Variants in PIK3C2G observed in about 807,000 individuals in gnomAD.
The protein encoded by PIK3C2G is phosphatidylinositol-4-phosphate 3-kinase catalytic subunit type 2 gamma, also known as phosphatidylinositol 3-kinase C2 domain-containing subunit gamma.
In PIK3C2G, 168 loss-of-function variants were observed where a neutral mutation model predicts 181.1. The ratio of observed to expected loss-of-function variants is 0.93; its 90% CI spans 0.82 to 1.05. The LOEUF is 1.05. PIK3C2G is among the 50% of genes least tolerant of loss of function. PIK3C2G has a pLI of 0.00. For missense variants in PIK3C2G, 1,869 were observed against 1,732.8 expected (o/e 1.08, Z -1.40); for synonymous variants, 573 against 592.2 (o/e 0.97, Z 0.47).
intron 9 of PIK3C2G, among the ~76,000 whole-genome samples, chr12:18,339,633 T>C (rs1938929847): frequency 6.6e-6 from 1 of 152,174 alleles, no homozygotes; most frequent in South Asian, 2.1e-4. Context: ...TAGATAATCA[T>C]ATTACCAAAC....
intron 18 of PIK3C2G, among the ~76,000 whole-genome samples, chr12:18,429,136 C>T (rs1031929527): frequency 2.0e-5 from 3 of 151,988 alleles, no homozygotes; most frequent in Admixed American, 6.6e-5. Context: ...GAATCCAATG[C>T]CAAGTGACCT....
At chr12:18,375,239 T>C (rs1323623815) in intron 13 of PIK3C2G, among the ~76,000 whole-genome samples, 2 of 152,186 alleles carry the variant, frequency 1.3e-5, no homozygotes, top group African/African-American at 4.8e-5. Flanking sequence ...ATAGACTCTG[T>C]AAAGGCTGAC....
chr12:18,694,277 T>C, the PIK3C2G span, among the ~76,000 whole-genome samples: 3 of 152,146 alleles, frequency 2.0e-5, no homozygotes, highest in Admixed American at 1.3e-4. Flanking sequence ...TGTTGGTCAC[T>C]GTGCAGCAGT....
intron 12 of PIK3C2G, 26 bp from the exon 13 acceptor site, chr12:18,371,154 A>G: frequency 6.3e-7 from 1 of 1,578,994 alleles, no homozygotes; most frequent in Non-Finnish European, 8.6e-7. Context: ...TGGGTAGGTA[A>G]TGCTTCTTCT....
chr12:18,667,536 T>C, the PIK3C2G span, among the ~76,000 whole-genome samples: 9 of 152,162 alleles, frequency 5.9e-5, no homozygotes, highest in Non-Finnish European at 1.2e-4. Flanking sequence ...TTTTAAAACA[T>C]ATTTAAGACT....
At chr12:18,456,418 TG>T (rs1279304150) in intron 18 of PIK3C2G, among the ~76,000 whole-genome samples, 1 of 152,026 alleles carries the variant, frequency 6.6e-6, no homozygotes, top group Non-Finnish European at 1.5e-5. Context: ...GGCTCCCAAG[TG>T]GGTCTTCCAG....
intron 15 of PIK3C2G, 46 bp from the exon 16 acceptor site, chr12:18,399,613 G>T: frequency 8.1e-7 from 1 of 1,238,668 alleles, no homozygotes; most frequent in East Asian, 2.4e-5. Flanking sequence ...ACATTTGTTA[G>T]TGCAGCAAAC....
chr12:18,487,923 A>T (rs922457987), intron 18 of PIK3C2G, among the ~76,000 whole-genome samples: 3 of 152,150 alleles, frequency 2.0e-5, no homozygotes, highest in Non-Finnish European at 2.9e-5. Context: ...GATATGCCTG[A>T]AAACAAAAAA....
intron 25 of PIK3C2G, among the ~76,000 whole-genome samples, chr12:18,540,234 A>C (rs1390755491): frequency 6.6e-6 from 1 of 151,868 alleles, no homozygotes; most frequent in East Asian, 1.9e-4. Context: ...ATTTATTTAC[A>C]TAAAAGACCG....
chr12:18,283,373 C>T (rs1276985179), intron 2 of PIK3C2G, among the ~76,000 whole-genome samples: 5 of 152,078 alleles, frequency 3.3e-5, no homozygotes, highest in Non-Finnish European at 2.9e-5. Context: ...ACTTATTTCT[C>T]TGCTTGAGTC....
At chr12:18,486,561 T>C (rs1940060592) in intron 18 of PIK3C2G, among the ~76,000 whole-genome samples, 1 of 152,096 alleles carries the variant, frequency 6.6e-6, no homozygotes, top group African/African-American at 2.4e-5. Context: ...TAAAAAATTG[T>C]TGATTTTGTC....
intron 19 of PIK3C2G, among the ~76,000 whole-genome samples, chr12:18,491,042 G>A (rs914138121): frequency 6.6e-6 from 1 of 152,162 alleles, no homozygotes; most frequent in Non-Finnish European, 1.5e-5. Context: ...ACTATTGAGT[G>A]TAATTTTGAG....
At chr12:18,251,785 T>C (rs1244512597) in intron 1 of PIK3C2G, among the ~76,000 whole-genome samples, 1 of 152,074 alleles carries the variant, frequency 6.6e-6, no homozygotes, top group Non-Finnish European at 1.5e-5. Context: ...TATAGAAATA[T>C]GCATACCACA....
chr12:18,689,469 C>T, the PIK3C2G span, among the ~76,000 whole-genome samples: 4 of 152,120 alleles, frequency 2.6e-5, no homozygotes, highest in African/African-American at 9.7e-5. Context: ...CATCAGCTAT[C>T]GTTAGTGTTA....
At chr12:18,658,686 C>A in the PIK3C2G span, among the ~76,000 whole-genome samples, 2 of 151,904 alleles carry the variant, frequency 1.3e-5, no homozygotes, top group East Asian at 1.9e-4. Context: ...CGACCTGTAA[C>A]TTTAAGTATT....
chr12:18,659,702 TTAGGGC>T, the PIK3C2G span, among the ~76,000 whole-genome samples: 2,344 of 149,270 alleles, frequency 0.016, 56 homozygotes, highest in African/African-American at 0.055. Context: ...ACTTTAAGTT[TTAGGGC>T]ACATGTGCAC....
rs117398515 is a variant in PIK3C2G at position 18,522,234 on chromosome 12, G to A, written c.3324-15922G>A. ...TATCTCTTAACAATTTACTTCAGCA[G>A]TTGTTTTTAATAGCTTTTTCTTCTA... On this transcript the variant is annotated intron_variant, in intron 24 of 32. Transcript: ENST00000538779. Among the ~76,000 whole-genome samples, 797 of 152,354 alleles carry A rather than the reference G, an allele frequency of 5.2e-3. 7 individuals carry two copies. The highest frequency in any genetic ancestry group is 0.013 in the South Asian group (61 of 4,826).
chr12:18,554,036 A>G (rs903789903), intron 26 of PIK3C2G, among the ~76,000 whole-genome samples: 5 of 152,114 alleles, frequency 3.3e-5, no homozygotes, highest in African/African-American at 1.2e-4. Context: ...AAGTCATTCA[A>G]CAATGACTTT....
At chr12:18,655,364 C>A in the PIK3C2G span, among the ~76,000 whole-genome samples, 1 of 151,932 alleles carries the variant, frequency 6.6e-6, no homozygotes, top group East Asian at 1.9e-4. Context: ...AAATTATAGC[C>A]TGAAGTATAA....
Sources: gnomAD v4.1 joint callset for allele counts (sites outside exome capture counted in the v4.1 genomes callset) on GRCh38, gnomAD v4.1.1 for gene constraint, MANE v1.5 for transcripts, NCBI Gene and HGNC (gene_info 2026-07-23, HGNC 2026-07-21) for gene names.